Variants in CCDC12 observed in about 807,000 individuals in gnomAD.
The protein encoded by CCDC12 is coiled-coil domain containing 12.
A neutral mutation model predicts 25.7 loss-of-function variants in CCDC12; 28 were observed. That is an observed-to-expected ratio of 1.09 (90% CI 0.81 to 1.50). The LOEUF (loss-of-function observed/expected upper bound fraction) is 1.50. Among genes scored for constraint, CCDC12 ranks in the 40% most tolerant of loss-of-function variants. The probability of loss-of-function intolerance (pLI) is 0.00; values close to 1 mark genes in which losing one functional copy is unlikely to be tolerated. For synonymous variants in CCDC12, 75 were observed against 87.7 expected, an observed-to-expected ratio of 0.86 and a Z score of 0.81; for missense variants, 198 against 210.0, an observed-to-expected ratio of 0.94 and a Z score of 0.35.
At chr3:46,979,856 C>A, upstream of CCDC12, 1 of 461,240 alleles carries the variant, frequency 2.2e-6, no homozygotes, top group Admixed American at 3.5e-5. Context: ...GGAGCCGGGC[C>A]GGGCCATGGC....
At chr3:46,937,216 A>T (rs1030262143) in intron 2 of CCDC12, among the ~76,000 whole-genome samples, 1 of 152,176 alleles carries the variant, frequency 6.6e-6, no homozygotes, top group Non-Finnish European at 1.5e-5. Context: ...TGCCTCCCCA[A>T]CAAGAGGCTA....
intron 1 of CCDC12, among the ~76,000 whole-genome samples, chr3:46,943,319 T>C (rs1240179373): frequency 6.6e-6 from 1 of 152,110 alleles, no homozygotes; most frequent in Non-Finnish European, 1.5e-5. Flanking sequence ...CTGCAAATTC[T>C]AGCAAAAAAT....
At chr3:46,975,441 A>C (rs1040834674) in intron 1 of CCDC12, among the ~76,000 whole-genome samples, 4 of 152,054 alleles carry the variant, frequency 2.6e-5, no homozygotes, top group African/African-American at 9.7e-5. Flanking sequence ...GGCCTCCCAA[A>C]GTGCGGGATT....
Position 46,933,989 on chromosome 3 carries a change from G to A in CCDC12, c.164+7009C>T, listed in dbSNP as rs754400343. Among the ~76,000 whole-genome samples the A allele has an allele frequency of 5.9e-5, 9 of 151,286 alleles. No homozygotes were observed. The South Asian group carries it at 1.5e-3, about 25-fold the overall frequency. On this transcript the variant is annotated intron_variant, in intron 2 of 6. Coordinates refer to ENST00000683445, the MANE Select transcript of CCDC12 (RefSeq NM_001277074.2). ...CACTGGAGTGCAGTGGAGCAATCTCGGCTCACTACAAGCTCCGCCTCCCGG... is the reference window on the plus strand; with the variant it reads ...CACTGGAGTGCAGTGGAGCAATCTCAGCTCACTACAAGCTCCGCCTCCCGG...
intron 2 of CCDC12, among the ~76,000 whole-genome samples, chr3:46,929,404 A>G (rs1042004463): frequency 5.9e-5 from 9 of 152,346 alleles, no homozygotes; most frequent in Admixed American, 4.6e-4. Flanking sequence ...GAGCTCCCAT[A>G]GCCTTACAGT....
chr3:46,947,450 C>T (rs1337266758), intron 1 of CCDC12, among the ~76,000 whole-genome samples: 3 of 152,152 alleles, frequency 2.0e-5, no homozygotes, highest in Non-Finnish European at 4.4e-5. Context: ...AGGGCAGTCA[C>T]CCGGAGTCTG....
intron 1 of CCDC12, among the ~76,000 whole-genome samples, chr3:46,970,284 A>ATT (rs35814822): frequency 0.78 from 117,879 of 150,518 alleles, 46,343 homozygotes; most frequent in Admixed American, 0.84. Context: ...ATTTTTTGTG[A>ATT]TTTTTTTTTT....
At chr3:46,922,971 G>A (rs946489620) in intron 5 of CCDC12, 1 of 212,640 alleles carries the variant, frequency 4.7e-6, no homozygotes. Flanking sequence ...ACAAGCTATG[G>A]TGGTAGAACA....
intron 2 of CCDC12, 129 bp from the exon 3 acceptor site, chr3:46,925,664 A>G: frequency 1.2e-6 from 1 of 803,036 alleles, no homozygotes. Flanking sequence ...TAGCCTGGTA[A>G]GGAGGAGAAG....
At chr3:46,960,157 C>A (rs540314720) in intron 1 of CCDC12, among the ~76,000 whole-genome samples, 1 of 152,156 alleles carries the variant, frequency 6.6e-6, no homozygotes. Context: ...TCAGCCTTCC[C>A]ACAGGGCCCC....
intron 1 of CCDC12, among the ~76,000 whole-genome samples, chr3:46,975,238 T>G (rs572056626): frequency 6.6e-6 from 1 of 151,550 alleles, no homozygotes. Flanking sequence ...TAGGCTGGAG[T>G]GCAGTGGCGC....
intron 1 of CCDC12, among the ~76,000 whole-genome samples, chr3:46,971,890 G>T (rs1470541859): frequency 6.6e-6 from 1 of 152,126 alleles, no homozygotes; most frequent in African/African-American, 2.4e-5. Flanking sequence ...AAAATGTGAA[G>T]CCGCTTCCTC....
At chr3:46,936,684 C>T (rs1369218966) in intron 2 of CCDC12, among the ~76,000 whole-genome samples, 1 of 152,076 alleles carries the variant, frequency 6.6e-6, no homozygotes, top group Non-Finnish European at 1.5e-5. Flanking sequence ...CAAGAATCTT[C>T]TCAACATGTG....
chr3:46,951,798 A>AAAATATATAT, intron 1 of CCDC12, among the ~76,000 whole-genome samples: 4 of 8,476 alleles, frequency 4.7e-4, no homozygotes, highest in Non-Finnish European at 8.4e-4. Context: ...AAAAAAAAAA[A>AAAATATATAT]ATATATATAT....
At chr3:46,951,827 A>ATATATAT (rs1328099662) in intron 1 of CCDC12, among the ~76,000 whole-genome samples, 8 of 105,764 alleles carry the variant, frequency 7.6e-5, no homozygotes, top group Non-Finnish European at 1.5e-4. Flanking sequence ...ATATATACTT[A>ATATATAT]ATGAGGATCA....
chr3:46,951,331 A>G (rs1575553943), intron 1 of CCDC12, among the ~76,000 whole-genome samples: 1 of 152,086 alleles, frequency 6.6e-6, no homozygotes, highest in African/African-American at 2.4e-5. Flanking sequence ...GGTTAATAAT[A>G]ATGTATATTC....
chr3:46,976,932 A>G (rs1014329802), upstream of CCDC12: 2 of 774,566 alleles, frequency 2.6e-6, no homozygotes, highest in African/African-American at 1.9e-5. Flanking sequence ...CTTCCGGACA[A>G]CTTGCCTAGT....
chr3:46,979,102 GT>G (rs2035123020), upstream of CCDC12, among the ~76,000 whole-genome samples: 1 of 152,222 alleles, frequency 6.6e-6, no homozygotes, highest in Admixed American at 6.5e-5. Context: ...CCACTGGAGC[GT>G]TTGGGAAGGC....
chr3:46,939,599 G>A (rs1242621441), intron 2 of CCDC12, among the ~76,000 whole-genome samples: 1 of 152,176 alleles, frequency 6.6e-6, no homozygotes, highest in Non-Finnish European at 1.5e-5. Context: ...CCCATCACCA[G>A]CCAGGGACCT....
Sources: gnomAD v4.1 joint callset for allele counts (sites outside exome capture counted in the v4.1 genomes callset) on GRCh38, gnomAD v4.1.1 for gene constraint, MANE v1.5 for transcripts, NCBI Gene and HGNC (gene_info 2026-07-23, HGNC 2026-07-21) for gene names.